The following TSEN2 variants were observed in gnomAD, a reference collection of about 807,000 sequenced individuals.
TSEN2 encodes the protein tRNA-splicing endonuclease subunit Sen2.
In TSEN2, 54 loss-of-function variants were observed where a neutral mutation model predicts 59.2. That is an observed-to-expected ratio of 0.91 (90% confidence interval 0.73 to 1.14). The LOEUF (loss-of-function observed/expected upper bound fraction) is 1.14, where lower values mean the gene tolerates loss of function less well. Among genes scored for constraint, TSEN2 ranks in the 50% most tolerant of loss-of-function variants. The probability of loss-of-function intolerance (pLI) is 0.00; values close to 1 mark genes in which losing one functional copy is unlikely to be tolerated. For synonymous variants in TSEN2, 195 were observed against 198.2 expected (o/e 0.98, Z 0.14); for missense variants, 636 against 576.2 (o/e 1.10, Z -1.06).
At chr3:12,516,905 T>C (rs937105740) in intron 7 of TSEN2, among the ~76,000 whole-genome samples, 2 of 152,200 alleles carry the variant, frequency 1.3e-5, no homozygotes, top group African/African-American at 4.8e-5. Context: ...TATCTTGTAC[T>C]GGATAATGAT....
intron 1 of TSEN2, among the ~76,000 whole-genome samples, chr3:12,487,184 T>C (rs2052703314): frequency 6.6e-6 from 1 of 152,178 alleles, no homozygotes; most frequent in Admixed American, 6.5e-5. Context: ...GGTCACACAA[T>C]AATAATGGCG....
At chr3:12,498,473 C>T (rs115912045) in intron 4 of TSEN2, among the ~76,000 whole-genome samples, 3,737 of 152,276 alleles carry the variant, frequency 0.025, 67 homozygotes, top group South Asian at 0.06. Context: ...TCTAGTCTAA[C>T]TGCCAGATTC....
intron 6 of TSEN2, among the ~76,000 whole-genome samples, chr3:12,509,191 G>GT (rs2055159187): frequency 1.4e-5 from 2 of 138,986 alleles, no homozygotes; most frequent in Non-Finnish European, 3.0e-5. Flanking sequence ...GGTTTTTTTT[G>GT]GTTTTTTTTG....
At chr3:12,527,322 A>T (rs932994644) in intron 8 of TSEN2, among the ~76,000 whole-genome samples, 3 of 152,232 alleles carry the variant, frequency 2.0e-5, no homozygotes, top group African/African-American at 4.8e-5. Flanking sequence ...AAGTCATGCT[A>T]CAAATTTGGC....
At chr3:12,531,190 G>T (rs1480027156) in intron 10 of TSEN2, 2 of 200,882 alleles carry the variant, frequency 1.0e-5, no homozygotes, top group Non-Finnish European at 1.9e-5. Context: ...ATGACACGTG[G>T]GGATTGTGGG....
chr3:12,495,126 C>CAAA (rs1160986136), intron 3 of TSEN2, among the ~76,000 whole-genome samples: 1,761 of 68,658 alleles, frequency 0.026, 88 homozygotes, highest in South Asian at 0.064. Flanking sequence ...ACTCCGTCTC[C>CAAA]AAAAAAAAAA....
chr3:12,490,280 A>G (rs1399196790), intron 2 of TSEN2, among the ~76,000 whole-genome samples: 2 of 152,208 alleles, frequency 1.3e-5, no homozygotes, highest in Non-Finnish European at 2.9e-5. Context: ...AAAGCAATGC[A>G]TGTTTGTTAA....
chr3:12,527,929 T>A (rs115105200), intron 8 of TSEN2, among the ~76,000 whole-genome samples: 4 of 152,092 alleles, frequency 2.6e-5, no homozygotes, highest in Non-Finnish European at 4.4e-5. Context: ...CTCTGAAGGG[T>A]TCCCTGCCAG....
Position 12,531,608 on chromosome 3 carries a change from G to A in TSEN2, c.1287G>A (p.Met429Ile). The A allele has an allele frequency of 6.2e-7, 1 of 1,613,368 alleles. No individual in the cohort carries two copies. The change falls in exon 11 of 12, where the codon ATG (methionine) becomes ATA (isoleucine). Residue 429 changes from methionine to isoleucine, a missense_variant. By Grantham distance (10) the Met-to-Ile change is conservative. Coordinates refer to ENST00000284995, the MANE Select transcript of TSEN2 (RefSeq NM_025265.4). ...GCTATTTGATTAAACCCTCTACTAT[G>A]ACTGACAAGGAAATGGAGTCACCAG... is the stretch of plus-strand genomic sequence containing the variant. ...MLCYLIKPST[M>I]TDKEMESPEC...
At chr3:12,527,445 T>C (rs565370956) in intron 8 of TSEN2, among the ~76,000 whole-genome samples, 7 of 150,248 alleles carry the variant, frequency 4.7e-5, no homozygotes, top group African/African-American at 1.2e-4. Flanking sequence ...GAACTTTTCT[T>C]TTTTTTTTTT....
In TSEN2 at chr3:12,514,239, C is replaced by T. The variant is rs1448937158; in HGVS notation, c.910-2372C>T. ...TGCCAGATAGTAGGAGTAGTGATTACAGAGGCAAAGGCCTGAATGAGCTTA... is the reference window on the plus strand; with the variant it reads ...TGCCAGATAGTAGGAGTAGTGATTATAGAGGCAAAGGCCTGAATGAGCTTA... On this transcript the variant is annotated intron_variant, in intron 6 of 11. Coordinates refer to ENST00000284995, the MANE Select transcript of TSEN2 (RefSeq NM_025265.4). 2.0e-5 allele frequency among the ~76,000 whole-genome samples: 3 copies of T among 152,270 alleles called. No homozygotes were observed. In the East Asian group the frequency reaches 5.8e-4, roughly 29 times the overall value.
At chr3:12,486,691 C>T (rs76398817) in intron 1 of TSEN2, among the ~76,000 whole-genome samples, 2,155 of 152,270 alleles carry the variant, frequency 0.014, 54 homozygotes, top group African/African-American at 0.047. Context: ...CCAAAATAAA[C>T]CTCCTGTCTT....
intron 2 of TSEN2, among the ~76,000 whole-genome samples, chr3:12,491,190 C>G (rs1233312808): frequency 6.6e-6 from 1 of 152,080 alleles, no homozygotes; most frequent in Non-Finnish European, 1.5e-5. Context: ...CAGGGTTTCA[C>G]CATGTTGGCC....
chr3:12,519,344 G>A, intron 8 of TSEN2, 147 bp downstream of exon 8: 1 of 1,238,308 alleles, frequency 8.1e-7, no homozygotes, highest in Non-Finnish European at 1.2e-6. Flanking sequence ...ATTTGGATTG[G>A]GTTAAGGGTA....
chr3:12,518,918 A>C lies in TSEN2; in HGVS notation c.961-141A>C. 4 of 826,198 alleles carry C rather than the reference A, an allele frequency of 4.8e-6. No individual in the cohort carries two copies. In the South Asian group the frequency reaches 6.2e-5, roughly 13 times the overall value. The allele number at this position is 826,198 out of a possible 1,614,324, so 51.2% of individuals were successfully genotyped here. The stretch of plus-strand genomic sequence containing the variant: ...AGCGAGACTCTGTCTCAAAAATAAA[A>C]TAAATAAATTGCTCTGCTGGGGGAA... On this transcript the variant is annotated intron_variant, in intron 7 of 11. Transcript: ENST00000284995.
chr3:12,519,889 C>T (rs1035554532), intron 8 of TSEN2, among the ~76,000 whole-genome samples: 5 of 152,310 alleles, frequency 3.3e-5, no homozygotes, highest in African/African-American at 1.2e-4. Flanking sequence ...TTGTAATAAT[C>T]GCCACAGCCA....
chr3:12,536,684 T>A (rs993486287), downstream of TSEN2, among the ~76,000 whole-genome samples: 1 of 152,066 alleles, frequency 6.6e-6, no homozygotes, highest in African/African-American at 2.4e-5. Context: ...GCAAAACCTA[T>A]AGATTGGTAT....
At chr3:12,488,966 C>T (rs149638963) in intron 1 of TSEN2, among the ~76,000 whole-genome samples, 11 of 152,304 alleles carry the variant, frequency 7.2e-5, no homozygotes, top group Admixed American at 2.6e-4. Context: ...CCCTGTAATA[C>T]TAATTATAGC....
chr3:12,539,249 T>C (rs770286885), exon 11 of TSEN2: 8 of 390,506 alleles, frequency 2.0e-5, no homozygotes, highest in Non-Finnish European at 3.9e-5. Context: ...TTCTCATGCC[T>C]CAGCCTCCTG....
Sources: gnomAD v4.1 joint callset for allele counts (sites outside exome capture counted in the v4.1 genomes callset) on GRCh38, gnomAD v4.1.1 for gene constraint, MANE v1.5 for transcripts, NCBI Gene and HGNC (gene_info 2026-07-23, HGNC 2026-07-21) for gene names.